The following ALK variants were observed in gnomAD, a reference collection of about 807,000 sequenced individuals.
ALK encodes ALK receptor tyrosine kinase, also known as ALK tyrosine kinase receptor.
Under a neutral mutation model 163.1 loss-of-function variants are expected in ALK, and 74 were observed. The ratio of observed to expected loss-of-function variants is 0.45; its 90% CI spans 0.38 to 0.55. ALK has a LOEUF of 0.55. Among genes scored for constraint, ALK ranks in the 20% least tolerant of loss-of-function variants. The pLI, the probability that ALK is intolerant of heterozygous loss-of-function variation, is 0.00. For synonymous variants in ALK, 960 were observed against 843.2 expected (o/e 1.14, Z -2.40); for missense variants, 2,063 against 2,105.3 (o/e 0.98, Z 0.39).
intron 1 of ALK, among the ~76,000 whole-genome samples, chr2:29,767,849 G>C (rs1407589428): frequency 6.6e-6 from 1 of 152,294 alleles, no homozygotes; most frequent in East Asian, 1.9e-4. Flanking sequence ...CTGTCAACAG[G>C]GATGTCAAAC....
chr2:29,417,987 A>G (rs1313019457), intron 4 of ALK, among the ~76,000 whole-genome samples: 1 of 152,240 alleles, frequency 6.6e-6, no homozygotes, highest in Non-Finnish European at 1.5e-5. Context: ...GAAAATTGAC[A>G]TAAGAGGCCT....
chr2:29,724,994 C>G (rs1679528579), intron 1 of ALK, among the ~76,000 whole-genome samples: 1 of 151,942 alleles, frequency 6.6e-6, no homozygotes, highest in African/African-American at 2.4e-5. Context: ...CAAGAGGACC[C>G]ATGTATAACT....
intron 4 of ALK, among the ~76,000 whole-genome samples, chr2:29,434,511 A>G (rs1670352571): frequency 6.6e-6 from 1 of 152,204 alleles, no homozygotes; most frequent in Non-Finnish European, 1.5e-5. Flanking sequence ...TTTTGAATAC[A>G]GTGTACATTA....
intron 5 of ALK, among the ~76,000 whole-genome samples, chr2:29,376,288 G>A (rs116496840): frequency 0.018 from 2,703 of 152,274 alleles, 66 homozygotes; most frequent in African/African-American, 0.062. Context: ...CCATTGAGCC[G>A]CATTTTGTGT....
chr2:29,512,724 G>C (rs1353920838), intron 4 of ALK, among the ~76,000 whole-genome samples: 1 of 149,606 alleles, frequency 6.7e-6, no homozygotes, highest in African/African-American at 2.5e-5. Context: ...GTTTGCAGAC[G>C]ACATGATTGT....
At chr2:29,910,980 C>T (rs891728329) in intron 1 of ALK, among the ~76,000 whole-genome samples, 7 of 152,102 alleles carry the variant, frequency 4.6e-5, no homozygotes, top group Non-Finnish European at 7.4e-5. Context: ...ACAACAACAA[C>T]AACAACAACA....
At chr2:29,777,992 A>G (rs1681225528) in intron 1 of ALK, among the ~76,000 whole-genome samples, 1 of 152,204 alleles carries the variant, frequency 6.6e-6, no homozygotes, top group African/African-American at 2.4e-5. Context: ...CTCAGATGCA[A>G]AAGTACTCCA....
chr2:29,506,871 G>A (rs1236338704), intron 4 of ALK, among the ~76,000 whole-genome samples: 1 of 152,182 alleles, frequency 6.6e-6, no homozygotes, highest in African/African-American at 2.4e-5. Context: ...TAAAGGAAGA[G>A]GTGAAAATAT....
intron 4 of ALK, among the ~76,000 whole-genome samples, chr2:29,400,197 A>G: frequency 6.6e-6 from 1 of 152,224 alleles, no homozygotes; most frequent in Non-Finnish European, 1.5e-5. Context: ...TATTATAAAA[A>G]TCTTTTGAGC....
chr2:29,708,361 G>A (rs1176909215), intron 2 of ALK, among the ~76,000 whole-genome samples: 3 of 152,148 alleles, frequency 2.0e-5, no homozygotes, highest in Non-Finnish European at 1.5e-5. Flanking sequence ...TAATCACCGT[G>A]CCTGGCCCAG....
chr2:29,693,642 C>A (rs1441365847), intron 3 of ALK, among the ~76,000 whole-genome samples: 1 of 152,184 alleles, frequency 6.6e-6, no homozygotes, highest in African/African-American at 2.4e-5. Context: ...TGTTTTTGTG[C>A]CACCTCCAAT....
At chr2:29,776,546 G>A (rs1053986625) in intron 1 of ALK, among the ~76,000 whole-genome samples, 8 of 152,164 alleles carry the variant, frequency 5.3e-5, no homozygotes, top group African/African-American at 1.9e-4. Flanking sequence ...GTGAAATGAT[G>A]GTGGTTGAAT....
At chr2:29,418,597 G>A (rs185311254) in intron 4 of ALK, among the ~76,000 whole-genome samples, 103 of 152,186 alleles carry the variant, frequency 6.8e-4, no homozygotes, top group African/African-American at 2.4e-3. Flanking sequence ...GTGTATCTAT[G>A]TGTACCCACT....
At chr2:29,450,000 G>T (rs1047695800) in intron 4 of ALK, among the ~76,000 whole-genome samples, 1 of 152,156 alleles carries the variant, frequency 6.6e-6, no homozygotes, top group African/African-American at 2.4e-5. Flanking sequence ...GGAGGAATAG[G>T]AAGACAAAGT....
At chr2:29,741,318 T>A (rs1680052303) in intron 1 of ALK, among the ~76,000 whole-genome samples, 1 of 152,138 alleles carries the variant, frequency 6.6e-6, no homozygotes, top group African/African-American at 2.4e-5. Context: ...CTATAGACTT[T>A]GGGTGATAAT....
intron 2 of ALK, among the ~76,000 whole-genome samples, chr2:29,708,787 C>G (rs1047572846): frequency 6.6e-6 from 1 of 152,154 alleles, no homozygotes; most frequent in African/African-American, 2.4e-5. Context: ...GGGGAGATCA[C>G]TAACCTCTCT....
chr2:29,602,915 A>C lies in ALK; in HGVS notation c.953-70799T>G, dbSNP rs562346079. Among the ~76,000 whole-genome samples, 31 of 152,354 alleles carry C rather than the reference A, an allele frequency of 2.0e-4. No individual in the cohort carries two copies. The South Asian group carries it at 3.1e-3, about 15-fold the overall frequency. On this transcript the variant is annotated intron_variant, in intron 3 of 28. Coordinates refer to ENST00000389048, the MANE Select transcript of ALK (RefSeq NM_004304.5). ...TGCCCAAGGTGGTTGGCTACAGCTT[A>C]GTTGGCATACATATTAAGGGGACAT...
intron 1 of ALK, among the ~76,000 whole-genome samples, chr2:29,908,696 C>T (rs1374584887): frequency 6.6e-6 from 1 of 152,202 alleles, no homozygotes; most frequent in Non-Finnish European, 1.5e-5. Context: ...GCTCATCTGC[C>T]TTTAAGGGAA....
chr2:29,527,780 G>T (rs981281895), intron 4 of ALK, among the ~76,000 whole-genome samples: 13 of 152,144 alleles, frequency 8.5e-5, no homozygotes, highest in African/African-American at 3.1e-4. Flanking sequence ...CTCCCAAAGT[G>T]CTGGGATTAC....
Sources: allele counts gnomAD v4.1 joint callset (sites outside exome capture counted in the v4.1 genomes callset), GRCh38; gene constraint gnomAD v4.1.1; transcripts MANE v1.5; gene names NCBI Gene and HGNC (gene_info 2026-07-23, HGNC 2026-07-21).